PLS3: variants seen among roughly 807,000 people sequenced by gnomAD.
The protein encoded by PLS3 is plastin-3.
PLS3 carries 11 observed loss-of-function variants against 46.5 expected under a neutral mutation model. The observed-to-expected ratio is 0.24, with a 90% CI of 0.15 to 0.39. The LOEUF (loss-of-function observed/expected upper bound fraction) is 0.39. Among genes scored for constraint, PLS3 ranks in the 10% least tolerant of loss-of-function variants. The pLI, the probability that PLS3 is intolerant of heterozygous loss-of-function variation, is 1.00. For synonymous variants in PLS3, 167 were observed against 162.2 expected, an observed-to-expected ratio of 1.03 and a Z score of -0.22; for missense variants, 308 against 461.8, an observed-to-expected ratio of 0.67 and a Z score of 3.05.
At position 115,576,975 on chromosome X, in the gene PLS3, C is replaced by T. The variant is rs185069236; in HGVS notation, c.-9+15715C>T. Among the ~76,000 whole-genome samples, 3 of 112,298 alleles carry T rather than the reference C, an allele frequency of 2.7e-5. No individual in the cohort carries two copies. The East Asian group carries it at 8.4e-4, about 32-fold the overall frequency. On this transcript the variant is annotated intron_variant, in intron 1 of 15. Transcript: ENST00000355899. Reference sequence around the variant, plus strand: ...CAACTGAAGTCTGATTTTGGCTTGCCTCAGCATAGAGTGCTCCAGGACAAT... The same window carrying T: ...CAACTGAAGTCTGATTTTGGCTTGCTTCAGCATAGAGTGCTCCAGGACAAT...
chrX:115,625,491 A>C (rs2147524333), intron 3 of PLS3, among the ~76,000 whole-genome samples: 1 of 110,444 alleles, frequency 9.1e-6, no homozygotes, highest in East Asian at 2.8e-4. Flanking sequence ...TTTGATTGTT[A>C]AACTAGTATG....
chrX:115,634,227 G>T (rs1416428801), intron 6 of PLS3, 146 bp downstream of exon 6: 1 of 437,555 alleles, frequency 2.3e-6, no homozygotes, highest in Admixed American at 3.7e-5. Flanking sequence ...TATACAGACA[G>T]AACTGGGACT....
At chrX:115,588,477 AAT>A (rs1289993265) in intron 1 of PLS3, among the ~76,000 whole-genome samples, 1 of 112,321 alleles carries the variant, frequency 8.9e-6, no homozygotes, top group Non-Finnish European at 1.9e-5. Flanking sequence ...TTTTTTTGAA[AAT>A]ATAGTTATTT....
Position 115,602,181 on chromosome X carries a change from T to C in PLS3, c.-8-8062T>C, listed in dbSNP as rs781785358. Among the ~76,000 whole-genome samples the C allele has an allele frequency of 1.9e-4, 21 of 111,939 alleles. No homozygotes were observed. In the South Asian group the frequency reaches 3.0e-3, roughly 16 times the overall value. On this transcript the variant is annotated intron_variant, in intron 1 of 15. Coordinates refer to ENST00000355899, the MANE Select transcript of PLS3 (RefSeq NM_005032.7). ...TGTGATGGCATGATTGCACTAATGTTGTATCTTTGTTTTTCCATCTGTTTC... is the reference window on the plus strand; with the variant it reads ...TGTGATGGCATGATTGCACTAATGTCGTATCTTTGTTTTTCCATCTGTTTC...
chrX:115,598,679 G>A (rs1556634171), intron 1 of PLS3, among the ~76,000 whole-genome samples: 1 of 112,076 alleles, frequency 8.9e-6, no homozygotes, highest in African/African-American at 3.2e-5. Context: ...TTTATATTAA[G>A]ACTAAGTTAT....
chrX:115,612,229 A>C (rs2074554827), intron 2 of PLS3, among the ~76,000 whole-genome samples: 1 of 111,477 alleles, frequency 9.0e-6, no homozygotes, highest in Non-Finnish European at 1.9e-5. Flanking sequence ...GAAGATTTTC[A>C]TTACAGTGGA....
chrX:115,570,872 C>G (rs1289471579), intron 1 of PLS3, among the ~76,000 whole-genome samples: 6 of 106,440 alleles, frequency 5.6e-5, no homozygotes, highest in African/African-American at 2.1e-4. Context: ...AGCTCAGAAA[C>G]CTGTTTATCG....
At position 115,643,251 on chromosome X, in the gene PLS3, G is replaced by C. The variant is rs782384352; in HGVS notation, c.988-62G>C. The C allele has an allele frequency of 5.0e-4, 356 of 710,169 alleles. 3 individuals carry two copies. The South Asian group carries it at 8.2e-3, about 16-fold the overall frequency. The allele number at this position is 710,169 out of a possible 1,213,427, so 58.5% of individuals were successfully genotyped here. ...AACTGTATACCCAGACTATGACAGT[G>C]GGGAAATTTTCTATATTTTTAGTGT... On this transcript the variant is annotated intron_variant, in intron 9 of 15. Transcript: ENST00000355899.
At chrX:115,627,770 A>T (rs1241968047) in intron 3 of PLS3, among the ~76,000 whole-genome samples, 1 of 111,844 alleles carries the variant, frequency 8.9e-6, no homozygotes, top group Non-Finnish European at 1.9e-5. Context: ...ACACACACAG[A>T]CATTTATTCT....
Position 115,577,977 on chromosome X carries a change from A to G in PLS3, c.-9+16717A>G, listed in dbSNP as rs782573399. 2.7e-5 allele frequency among the ~76,000 whole-genome samples: 3 copies of G among 112,218 alleles called. No individual in the cohort carries two copies. In the East Asian group the frequency reaches 8.4e-4, roughly 31 times the overall value. On this transcript the variant is annotated intron_variant, in intron 1 of 15. Transcript: ENST00000355899. ...ACAGCCGTCAATGAAACAGACAAAAATCACCGTCTTTATGAAGCTTACATC... is the reference window on the plus strand; with the variant it reads ...ACAGCCGTCAATGAAACAGACAAAAGTCACCGTCTTTATGAAGCTTACATC...
intron 2 of PLS3, among the ~76,000 whole-genome samples, chrX:115,615,760 T>C (rs2074593291): frequency 8.9e-6 from 1 of 111,799 alleles, no homozygotes; most frequent in African/African-American, 3.3e-5. Flanking sequence ...TTTATCCAGC[T>C]TCTCCTTAAT....
chrX:115,630,730 G>A (rs1162201368), intron 5 of PLS3, among the ~76,000 whole-genome samples: 1 of 94,100 alleles, frequency 1.1e-5, no homozygotes, highest in African/African-American at 3.9e-5. Flanking sequence ...TAAAATATAT[G>A]TGTGTATATA....
intron 3 of PLS3, among the ~76,000 whole-genome samples, chrX:115,624,669 A>G (rs2074693082): frequency 8.9e-6 from 1 of 112,288 alleles, no homozygotes; most frequent in African/African-American, 3.2e-5. Flanking sequence ...TTTGAAATGT[A>G]GTTTTTACAC....
rs781968689 is a variant in PLS3, at chrX:115,586,167, C to T, written c.-8-24076C>T. Among the ~76,000 whole-genome samples the T allele has an allele frequency of 2.0e-3, 211 of 106,088 alleles. 3 individuals carry two copies. The highest frequency in any genetic ancestry group is 0.016 in the Admixed American group (152 of 9,759). The allele number at this position is 106,088 out of a possible 115,157, so 92.1% of individuals were successfully genotyped here. On this transcript the variant is annotated intron_variant, in intron 1 of 15. Coordinates refer to ENST00000355899, the MANE Select transcript of PLS3 (RefSeq NM_005032.7). ...CACCCGGCTAATTTTGTATTTTTAC[C>T]GGAGACGGGGTTTCTCCATGTTGGT...
intron 3 of PLS3, among the ~76,000 whole-genome samples, chrX:115,623,028 C>G (rs1408911426): frequency 9.0e-6 from 1 of 111,333 alleles, no homozygotes; most frequent in Admixed American, 9.6e-5. Context: ...CCCCCCACCC[C>G]ACTCCCAGAA....
intron 1 of PLS3, among the ~76,000 whole-genome samples, chrX:115,568,983 C>T (rs1183622401): frequency 9.5e-6 from 1 of 105,665 alleles, no homozygotes; most frequent in Admixed American, 1.0e-4. Context: ...TTGCAGTGAG[C>T]CAAGATTGCA....
intron 5 of PLS3, among the ~76,000 whole-genome samples, chrX:115,630,820 A>ATT (rs2074759578): frequency 1.1e-5 from 1 of 92,713 alleles, no homozygotes; most frequent in African/African-American, 4.0e-5. Context: ...TAATATATAT[A>ATT]ATACATGTAT....
chrX:115,579,162 G>A (rs782053139), intron 1 of PLS3, among the ~76,000 whole-genome samples: 1 of 112,078 alleles, frequency 8.9e-6, no homozygotes, highest in South Asian at 3.7e-4. Flanking sequence ...ATGATATATA[G>A]TATGTAGCCT....
At chrX:115,643,699 G>A (rs782315664) in intron 10 of PLS3, among the ~76,000 whole-genome samples, 191 bp downstream of exon 10, 2 of 112,168 alleles carry the variant, frequency 1.8e-5, no homozygotes, top group South Asian at 3.7e-4. Flanking sequence ...GGCCGGGCAC[G>A]GTGGCTCACA....
Sources: gnomAD v4.1 joint callset for allele counts (sites outside exome capture counted in the v4.1 genomes callset) on GRCh38, gnomAD v4.1.1 for gene constraint, MANE v1.5 for transcripts, NCBI Gene and HGNC (gene_info 2026-07-23, HGNC 2026-07-21) for gene names.